The following RERE variants were observed in gnomAD, a reference collection of about 807,000 sequenced individuals.
RERE encodes the protein arginine-glutamic acid dipeptide repeats protein.
In RERE, 40 loss-of-function variants were observed where a neutral mutation model predicts 146.1. The observed-to-expected ratio is 0.27, with a 90% CI of 0.21 to 0.36. The LOEUF (loss-of-function observed/expected upper bound fraction) is 0.36, where lower values mean the gene tolerates loss of function less well. Among genes scored for constraint, RERE ranks in the 10% least tolerant of loss-of-function variants. RERE has a pLI of 1.00. For synonymous variants in RERE, 1,003 were observed against 866.0 expected (o/e 1.16, Z -2.78); for missense variants, 1,933 against 2,138.7 (o/e 0.90, Z 1.90).
At chr1:8,523,282 T>C (rs952558724) in intron 7 of RERE, among the ~76,000 whole-genome samples, 1 of 152,232 alleles carries the variant, frequency 6.6e-6, no homozygotes, top group African/African-American at 2.4e-5. Flanking sequence ...GCAAAACTTA[T>C]GTTGACAGAG....
intron 10 of RERE, among the ~76,000 whole-genome samples, chr1:8,473,049 C>T (rs1644709478): frequency 6.6e-6 from 1 of 152,168 alleles, no homozygotes; most frequent in Non-Finnish European, 1.5e-5. Context: ...GAACAATCCA[C>T]CAGCCTTTCA....
chr1:8,439,810 C>T (rs984150364), intron 11 of RERE, among the ~76,000 whole-genome samples: 3 of 152,306 alleles, frequency 2.0e-5, no homozygotes, highest in East Asian at 1.9e-4. Flanking sequence ...CAGTGGCTCA[C>T]GCCTGTAATC....
At chr1:8,681,510 A>C (rs1257836941) in intron 1 of RERE, among the ~76,000 whole-genome samples, 1 of 152,188 alleles carries the variant, frequency 6.6e-6, no homozygotes, top group African/African-American at 2.4e-5. Context: ...TACTTAGCTT[A>C]ATTATTCCAT....
intron 12 of RERE, among the ~76,000 whole-genome samples, chr1:8,385,405 T>G (rs192009295): frequency 5.1e-4 from 77 of 152,280 alleles, no homozygotes; most frequent in Non-Finnish European, 1.0e-3. Flanking sequence ...CTCTGTGCCT[T>G]AAGCAGAAAT....
chr1:8,512,334 GGA>G (rs1486315408), intron 7 of RERE, among the ~76,000 whole-genome samples: 5 of 151,802 alleles, frequency 3.3e-5, no homozygotes, highest in Non-Finnish European at 7.4e-5. Flanking sequence ...CGCCCGGCCA[GGA>G]AACACTCTTA....
At chr1:8,647,982 A>G (rs1465053629) in intron 2 of RERE, among the ~76,000 whole-genome samples, 1 of 152,174 alleles carries the variant, frequency 6.6e-6, no homozygotes, top group African/African-American at 2.4e-5. Context: ...ACTGAAGTGT[A>G]ATACATATAC....
At chr1:8,631,779 T>A (rs1286446157) in intron 2 of RERE, among the ~76,000 whole-genome samples, 1 of 152,184 alleles carries the variant, frequency 6.6e-6, no homozygotes, top group Non-Finnish European at 1.5e-5. Context: ...TATACTAGTA[T>A]AAAACTTGTG....
At position 8,396,853 on chromosome 1, in the gene RERE, A is replaced by G. The variant is rs75969503; in HGVS notation, c.1284+25874T>C. Among the ~76,000 whole-genome samples, 431 of 152,232 alleles carry G rather than the reference A, an allele frequency of 2.8e-3. 4 individuals carry two copies. The highest frequency in any genetic ancestry group is 9.8e-3 in the African/African-American group (406 of 41,528). On this transcript the variant is annotated intron_variant, in intron 12 of 22. Transcript: ENST00000400908. ...TTTCCACAATGGCATTCTTTGTGAT[A>G]TATCATGCTTTCTCCACAGTATCAG...
intron 2 of RERE, among the ~76,000 whole-genome samples, chr1:8,624,606 C>G (rs576534974): frequency 4.6e-5 from 7 of 151,904 alleles, no homozygotes; most frequent in Non-Finnish European, 1.0e-4. Flanking sequence ...CTGATGAAGC[C>G]TAAATTATTT....
chr1:8,517,637 CAAT>C (rs777580807), intron 7 of RERE, among the ~76,000 whole-genome samples: 122 of 152,026 alleles, frequency 8.0e-4, no homozygotes, highest in Non-Finnish European at 1.3e-3. Flanking sequence ...CAAATTACAA[CAAT>C]AATGGTAAGT....
At chr1:8,663,377 T>C (rs763981540) in intron 1 of RERE, among the ~76,000 whole-genome samples, 2 of 152,210 alleles carry the variant, frequency 1.3e-5, no homozygotes, top group Non-Finnish European at 2.9e-5. Flanking sequence ...GACATACTTA[T>C]ATTTTTCAAA....
At chr1:8,776,257 T>G (rs1557536253) in intron 1 of RERE, among the ~76,000 whole-genome samples, 1 of 152,216 alleles carries the variant, frequency 6.6e-6, no homozygotes, top group Non-Finnish European at 1.5e-5. Flanking sequence ...CTTTCTAATT[T>G]TTTCATCCAC....
At chr1:8,515,640 AAAC>A (rs373344787) in intron 7 of RERE, among the ~76,000 whole-genome samples, 1,643 of 151,920 alleles carry the variant, frequency 0.011, 26 homozygotes, top group African/African-American at 0.038. Flanking sequence ...AAAAACAAAC[AAAC>A]AACAACAACA....
intron 1 of RERE, among the ~76,000 whole-genome samples, chr1:8,797,174 G>C (rs929612051): frequency 3.3e-5 from 5 of 152,050 alleles, no homozygotes; most frequent in Non-Finnish European, 7.4e-5. Context: ...AGGAGTTCAA[G>C]ACCAGCCTGG....
intron 10 of RERE, among the ~76,000 whole-genome samples, chr1:8,487,554 G>A (rs921390889): frequency 7.9e-5 from 12 of 152,054 alleles, no homozygotes; most frequent in Non-Finnish European, 1.5e-4. Context: ...CTCCAGCCTG[G>A]GCAATAGACC....
At chr1:8,787,243 A>C (rs957256574) in intron 1 of RERE, among the ~76,000 whole-genome samples, 53 of 152,154 alleles carry the variant, frequency 3.5e-4, no homozygotes, top group African/African-American at 1.3e-3. Context: ...CTCTATTCCT[A>C]TACCTCCGCA....
intron 1 of RERE, among the ~76,000 whole-genome samples, chr1:8,742,886 A>C (rs1640339144): frequency 6.6e-6 from 1 of 151,530 alleles, no homozygotes; most frequent in African/African-American, 2.4e-5. Context: ...AAAAAAAAAA[A>C]GTATAATCTT....
At chr1:8,372,232 G>A (rs1642066379) in intron 12 of RERE, among the ~76,000 whole-genome samples, 1 of 152,150 alleles carries the variant, frequency 6.6e-6, no homozygotes, top group Non-Finnish European at 1.5e-5. Flanking sequence ...TTCTGCCCGA[G>A]CCCAGCATGA....
At chr1:8,398,782 T>C (rs1362149534) in intron 12 of RERE, among the ~76,000 whole-genome samples, 1 of 152,196 alleles carries the variant, frequency 6.6e-6, no homozygotes, top group Non-Finnish European at 1.5e-5. Context: ...CACAGGGCCT[T>C]GCTATACATC....
Sources: allele counts gnomAD v4.1 joint callset (sites outside exome capture counted in the v4.1 genomes callset), GRCh38; gene constraint gnomAD v4.1.1; transcripts MANE v1.5; gene names NCBI Gene and HGNC (gene_info 2026-07-23, HGNC 2026-07-21).